Variants in RPGRIP1 observed in about 807,000 individuals in gnomAD.
RPGRIP1 encodes X-linked retinitis pigmentosa GTPase regulator-interacting protein 1.
In RPGRIP1, 128 loss-of-function variants were observed where a neutral mutation model predicts 157.9. That is an observed-to-expected ratio of 0.81 (90% CI 0.70 to 0.94). The LOEUF is 0.94. Ranked by LOEUF, RPGRIP1 falls within the 40% of genes least tolerant of loss-of-function variation. The pLI is 0.00. For missense variants in RPGRIP1, 1,486 were observed against 1,545.8 expected, an observed-to-expected ratio of 0.96 and a Z score of 0.65; for synonymous variants, 554 against 571.6, an observed-to-expected ratio of 0.97 and a Z score of 0.44.
At chr14:21,343,886 T>G (rs1885291572) in intron 22 of RPGRIP1, among the ~76,000 whole-genome samples, 13 of 85,462 alleles carry the variant, frequency 1.5e-4, no homozygotes, top group African/African-American at 4.4e-4. Context: ...TTTTTTTTTT[T>G]TTTTTTTTTT....
chr14:21,345,884 A>G (rs1266457305), intron 23 of RPGRIP1, among the ~76,000 whole-genome samples: 5 of 151,920 alleles, frequency 3.3e-5, no homozygotes, highest in African/African-American at 9.7e-5. Flanking sequence ...CAGTGGTACA[A>G]TCTTGGCTCA....
At chr14:21,333,846 C>T (rs1396628322) in intron 20 of RPGRIP1, among the ~76,000 whole-genome samples, 2 of 152,000 alleles carry the variant, frequency 1.3e-5, no homozygotes, top group Admixed American at 6.6e-5. Flanking sequence ...AAAGACCCCA[C>T]CACTCAATAG....
intron 6 of RPGRIP1, among the ~76,000 whole-genome samples, chr14:21,304,416 A>AAAGAAAGAAAGAAAGAAAGG (rs1881201122): frequency 3.3e-5 from 5 of 151,272 alleles, no homozygotes; most frequent in South Asian, 4.2e-4. Context: ...AGAAAGAAAG[A>AAAGAAAGAAAGAAAGAAAGG]AAGAAAGAAA....
chr14:21,311,476 C>T (rs748522246), intron 8 of RPGRIP1, among the ~76,000 whole-genome samples: 3 of 152,076 alleles, frequency 2.0e-5, no homozygotes, highest in Non-Finnish European at 2.9e-5. Context: ...TGCTTGAACC[C>T]GGTAGGCAGA....
chr14:21,336,287 C>T (rs1489770655), intron 21 of RPGRIP1, among the ~76,000 whole-genome samples: 2 of 152,140 alleles, frequency 1.3e-5, no homozygotes, highest in South Asian at 2.1e-4. Context: ...GTAATCCCAG[C>T]ACTTTGGGAA....
intron 1 of RPGRIP1, among the ~76,000 whole-genome samples, chr14:21,280,889 G>A (rs1377208120): frequency 6.6e-6 from 1 of 152,066 alleles, no homozygotes; most frequent in African/African-American, 2.4e-5. Context: ...ACTATCTGCA[G>A]AATGAATAAA....
chr14:21,293,669 G>A (rs1880630271), intron 2 of RPGRIP1, among the ~76,000 whole-genome samples: 1 of 152,166 alleles, frequency 6.6e-6, no homozygotes, highest in Non-Finnish European at 1.5e-5. Context: ...ACAAGGTCAA[G>A]AGATCGAGAC....
chr14:21,318,749 A>C (rs1322956700), intron 11 of RPGRIP1, among the ~76,000 whole-genome samples: 1 of 152,150 alleles, frequency 6.6e-6, no homozygotes, highest in South Asian at 2.1e-4. Context: ...TGCTGGGATT[A>C]CAGGTGAAAG....
chr14:21,323,908 A>ATT (rs2139222624), intron 14 of RPGRIP1: 1 of 153,890 alleles, frequency 6.5e-6, no homozygotes, highest in South Asian at 2.0e-4. Context: ...ATATTCCCCA[A>ATT]TTTGAAGCAG....
rs1232869987 is a variant in RPGRIP1, at chr14:21,333,545, T to A, written c.3239-1060T>A. ...TACTCGGCATGTTAGGCAGGTCTCA[T>A]GAAGAAGGCTCATTTCTCCTCTCTC... On this transcript the variant is annotated intron_variant, in intron 20 of 24. Transcript: ENST00000400017. 3.9e-5 allele frequency among the ~76,000 whole-genome samples: 6 copies of A among 152,198 alleles called. 1 individual carries two copies. Among genetic ancestry groups the A allele is most frequent in the Admixed American group, 2.0e-4 (3 of 15,286 alleles).
intron 3 of RPGRIP1, 95 bp downstream of exon 3, chr14:21,294,904 G>A (rs532459775): frequency 1.8e-6 from 2 of 1,104,958 alleles, no homozygotes; most frequent in East Asian, 3.1e-5. Context: ...GAATGCAGTG[G>A]CATGATCTTG....
At chr14:21,313,155 T>G (rs1594185486) in intron 10 of RPGRIP1, among the ~76,000 whole-genome samples, 3 of 151,276 alleles carry the variant, frequency 2.0e-5, no homozygotes, top group Non-Finnish European at 2.9e-5. Flanking sequence ...TTTGGGGGGC[T>G]GGGGGGAATC....
At chr14:21,318,008 T>A in intron 11 of RPGRIP1, 158 bp downstream of exon 11, 1 of 711,698 alleles carries the variant, frequency 1.4e-6, no homozygotes, top group South Asian at 1.6e-5. Context: ...ATAGATCAGA[T>A]CTACAATCAG....
chr14:21,291,479 A>T (rs1489894932), intron 2 of RPGRIP1, among the ~76,000 whole-genome samples: 5 of 152,120 alleles, frequency 3.3e-5, no homozygotes, highest in Non-Finnish European at 7.4e-5. Context: ...AAAGGGGAAT[A>T]TTTACAAGTT....
At chr14:21,336,659 A>T (rs962506835) in intron 21 of RPGRIP1, among the ~76,000 whole-genome samples, 2 of 152,208 alleles carry the variant, frequency 1.3e-5, no homozygotes, top group Admixed American at 6.5e-5. Flanking sequence ...GAGCCACAGA[A>T]TGTTGGAATT....
chr14:21,330,352 C>A lies in RPGRIP1; in HGVS notation c.3203C>A (p.Ala1068Glu). ...GAGGAAATGACATTATCCCATTCAGCACTGAAACAGAAGGAACCTCTACAT... is the reference window on the plus strand; with the variant it reads ...GAGGAAATGACATTATCCCATTCAGAACTGAAACAGAAGGAACCTCTACAT... ...EEEEMTLSHS[A>E]LKQKEPLHPV... The change falls in exon 20 of 25, where the codon GCA becomes GAA. Residue 1068 changes from alanine to glutamate, a missense_variant. Physicochemically the swap from Ala to Glu is moderately radical, Grantham distance 107 (BLOSUM62 -1). Coordinates refer to ENST00000400017, the MANE Select transcript of RPGRIP1 (RefSeq NM_020366.4). 1 of 1,571,504 alleles carries A rather than the reference C, an allele frequency of 6.4e-7. No homozygotes were observed.
At chr14:21,305,698 T>C (rs773932629) in intron 6 of RPGRIP1, among the ~76,000 whole-genome samples, 50 of 152,086 alleles carry the variant, frequency 3.3e-4, no homozygotes, top group Non-Finnish European at 1.3e-4. Context: ...CCATCTTTAC[T>C]GAAAATACCA....
chr14:21,313,786 T>TG (rs1441694094), intron 10 of RPGRIP1, among the ~76,000 whole-genome samples: 1 of 123,942 alleles, frequency 8.1e-6, no homozygotes, highest in Non-Finnish European at 1.7e-5. Flanking sequence ...AGACTTCCTC[T>TG]GAAAAAAAAA....
intron 21 of RPGRIP1, among the ~76,000 whole-genome samples, chr14:21,341,071 A>G (rs1372334246): frequency 1.3e-5 from 2 of 152,174 alleles, no homozygotes; most frequent in African/African-American, 4.8e-5. Context: ...TTTGAGACCC[A>G]GTCTCACTCT....
Sources: allele counts gnomAD v4.1 joint callset (sites outside exome capture counted in the v4.1 genomes callset), GRCh38; gene constraint gnomAD v4.1.1; transcripts MANE v1.5; gene names NCBI Gene and HGNC (gene_info 2026-07-23, HGNC 2026-07-21).